Variants in CFAP47 observed in about 807,000 individuals in gnomAD.
CFAP47 encodes cilia and flagella associated protein 47.
CFAP47 carries 29 observed loss-of-function variants against 148.1 expected under a neutral mutation model. The ratio of observed to expected loss-of-function variants is 0.20; its 90% confidence interval spans 0.15 to 0.27. CFAP47 has a LOEUF of 0.27. Ranked by LOEUF, CFAP47 falls within the 10% of genes least tolerant of loss-of-function variation. The probability of loss-of-function intolerance (pLI) is 1.00; values close to 1 mark genes in which losing one functional copy is unlikely to be tolerated. For missense variants in CFAP47, 1,872 were observed against 1,697.5 expected (o/e 1.10, Z -1.81); for synonymous variants, 664 against 577.3 (o/e 1.15, Z -2.15).
chrX:36,150,085 G>A (rs900656536), intron 37 of CFAP47, among the ~76,000 whole-genome samples: 1 of 111,011 alleles, frequency 9.0e-6, no homozygotes, highest in African/African-American at 3.3e-5. Context: ...GTGTATGTGT[G>A]TGTAAATGAT....
intron 51 of CFAP47, among the ~76,000 whole-genome samples, chrX:36,292,175 A>G (rs1556005671): frequency 9.0e-6 from 1 of 110,941 alleles, no homozygotes; most frequent in Non-Finnish European, 1.9e-5. Context: ...TATACATTTC[A>G]AGTCATATGG....
At chrX:36,300,574 C>A (rs952706388) in intron 52 of CFAP47, among the ~76,000 whole-genome samples, 1 of 111,797 alleles carries the variant, frequency 8.9e-6, no homozygotes, top group African/African-American at 3.3e-5. Flanking sequence ...CAGGCATGAG[C>A]CACCACGTCC....
At chrX:36,346,100 A>G (rs782436836) in intron 57 of CFAP47, among the ~76,000 whole-genome samples, 3 of 112,113 alleles carry the variant, frequency 2.7e-5, no homozygotes, top group African/African-American at 9.7e-5. Context: ...GTAGACATTC[A>G]TAGGCTTGGA....
At chrX:36,308,630 G>A (rs1434863572) in intron 55 of CFAP47, among the ~76,000 whole-genome samples, 2 of 110,687 alleles carry the variant, frequency 1.8e-5, no homozygotes, top group African/African-American at 3.3e-5. Context: ...TCTGAGTTTG[G>A]AATAACATTT....
chrX:36,375,020 A>G (rs1428369207), intron 62 of CFAP47: 4 of 472,761 alleles, frequency 8.5e-6, no homozygotes, highest in Non-Finnish European at 1.6e-5. Context: ...CAGCTCTGTG[A>G]TCATCAGTGA....
chrX:35,953,686 T>C lies in CFAP47; in HGVS notation c.1141T>C (p.Phe381Leu), dbSNP rs776252539. 2.8e-5 allele frequency: 33 copies of C among 1,199,619 alleles called. No individual in the cohort carries two copies. The highest frequency in any genetic ancestry group is 3.3e-5 in the Non-Finnish European group (29 of 887,401). Residue 381 changes from phenylalanine (F) to leucine (L), a missense_variant, in exon 7 of 64, where the codon TTT becomes CTT. Physicochemically the swap from Phe to Leu is conservative, Grantham distance 22. Transcript: ENST00000378653. ...TGAGTCCGTAGGAAGTAAAGATGGA[T>C]TTTTGAGAGATGATGACTATAAAAC... ...RFESVGSKDG[F>L]LRDDDYKTIK...
intron 57 of CFAP47, among the ~76,000 whole-genome samples, chrX:36,334,770 A>G (rs1390444675): frequency 9.0e-6 from 1 of 110,945 alleles, no homozygotes; most frequent in African/African-American, 3.3e-5. Flanking sequence ...ATAGTTTTTC[A>G]CTTGCCTTCT....
At chrX:35,954,632 G>T (rs2146646183) in intron 7 of CFAP47, among the ~76,000 whole-genome samples, 1 of 111,842 alleles carries the variant, frequency 8.9e-6, no homozygotes, top group East Asian at 2.8e-4. Context: ...TTTAGTCTAA[G>T]ATTGGCTACT....
chrX:36,224,479 A>T (rs188775104), intron 45 of CFAP47, among the ~76,000 whole-genome samples: 1 of 111,990 alleles, frequency 8.9e-6, no homozygotes, highest in East Asian at 2.8e-4. Context: ...CAGGTTTTGT[A>T]TAGTCTCCCT....
chrX:35,919,770 A>G lies in CFAP47; in HGVS notation c.-30A>G. The G allele has an allele frequency of 1.7e-6, 2 of 1,186,981 alleles. No homozygotes were observed. The highest frequency in any genetic ancestry group is 2.3e-6 in the Non-Finnish European group (2 of 880,578). On this transcript the variant is annotated 5_prime_UTR_variant, in exon 1 of 64. Transcript: ENST00000378653. Reference sequence around the variant, plus strand: ...CTAATCCTTGGCCGGACGGATCCACATCTGTTTTCTGGCTACCGAGAGGGC... The same window carrying G: ...CTAATCCTTGGCCGGACGGATCCACGTCTGTTTTCTGGCTACCGAGAGGGC...
chrX:35,980,018 A>G lies in CFAP47; in HGVS notation c.2713+4105A>G, dbSNP rs186387492. On this transcript the variant is annotated intron_variant, in intron 15 of 63. Coordinates refer to ENST00000378653, the MANE Select transcript of CFAP47 (RefSeq NM_001304548.2). ...CAAACAAACTGAAGAAGGTTTATCTAGAATATCTTAAATGTACACCTAAAA... is the reference window on the plus strand; with the variant it reads ...CAAACAAACTGAAGAAGGTTTATCTGGAATATCTTAAATGTACACCTAAAA... 3.6e-5 allele frequency among the ~76,000 whole-genome samples: 4 copies of G among 111,735 alleles called. No homozygotes were observed. The East Asian group carries it at 1.1e-3, about 32-fold the overall frequency.
At chrX:36,098,030 A>G (rs1252356801) in intron 30 of CFAP47, among the ~76,000 whole-genome samples, 2 of 111,251 alleles carry the variant, frequency 1.8e-5, no homozygotes, top group African/African-American at 6.5e-5. Context: ...TCCTCTATCT[A>G]TTTTTAAATA....
chrX:35,932,871 C>T (rs961400255), intron 2 of CFAP47, among the ~76,000 whole-genome samples: 1 of 111,084 alleles, frequency 9.0e-6, no homozygotes, highest in South Asian at 3.8e-4. Context: ...GTGATCTGCC[C>T]GCTTTGACCT....
intron 29 of CFAP47, among the ~76,000 whole-genome samples, chrX:36,075,201 T>TTTTTTTTA (rs1937826482): frequency 9.4e-6 from 1 of 106,615 alleles, no homozygotes; most frequent in African/African-American, 3.5e-5. Context: ...TATGTATTAT[T>TTTTTTTTA]TTTATTTATT....
At chrX:36,014,294 C>G in intron 21 of CFAP47, among the ~76,000 whole-genome samples, 1 of 111,318 alleles carries the variant, frequency 9.0e-6, no homozygotes, top group Non-Finnish European at 1.9e-5. Flanking sequence ...TCTTTATGTA[C>G]TTTGGATACA....
At chrX:36,216,065 G>A (rs1940156341) in intron 45 of CFAP47, among the ~76,000 whole-genome samples, 1 of 111,249 alleles carries the variant, frequency 9.0e-6, no homozygotes, top group Admixed American at 9.5e-5. Context: ...AGGGCTGGCC[G>A]CAGTGACAAA....
At chrX:36,209,576 A>G (rs1555989210) in intron 45 of CFAP47, among the ~76,000 whole-genome samples, 1 of 111,063 alleles carries the variant, frequency 9.0e-6, no homozygotes, top group Non-Finnish European at 1.9e-5. Flanking sequence ...TATAAATATA[A>G]TAAATTTTAT....
chrX:36,348,055 G>A, intron 57 of CFAP47, 74 bp from the exon 58 acceptor site: 1 of 584,330 alleles, frequency 1.7e-6, no homozygotes, highest in Non-Finnish European at 2.4e-6. Context: ...CAAATTAGGT[G>A]TTTACCTTCT....
chrX:36,277,871 C>G (rs1022691682), intron 49 of CFAP47, among the ~76,000 whole-genome samples: 4 of 112,013 alleles, frequency 3.6e-5, no homozygotes, highest in Admixed American at 2.8e-4. Flanking sequence ...CACTCCAGAC[C>G]CTGTTTGCCT....
Sources: allele counts gnomAD v4.1 joint callset (sites outside exome capture counted in the v4.1 genomes callset), GRCh38; gene constraint gnomAD v4.1.1; transcripts MANE v1.5; gene names NCBI Gene and HGNC (gene_info 2026-07-23, HGNC 2026-07-21).